The following USP13 variants were observed in gnomAD, a reference collection of about 807,000 sequenced individuals.
USP13 encodes the protein ubiquitin specific peptidase 13.
Under a neutral mutation model 107.8 loss-of-function variants are expected in USP13, and 68 were observed. That is an observed-to-expected ratio of 0.63 (90% confidence interval 0.52 to 0.77). The LOEUF is 0.77. USP13 is among the 30% of genes least tolerant of loss of function. The pLI is 0.00. For synonymous variants in USP13, 377 were observed against 389.5 expected (o/e 0.97, Z 0.38); for missense variants, 945 against 1,093.3 (o/e 0.86, Z 1.91).
chr3:179,710,099 TAA>T (rs1352771859), intron 6 of USP13, among the ~76,000 whole-genome samples: 2 of 152,168 alleles, frequency 1.3e-5, no homozygotes, highest in African/African-American at 4.8e-5. Context: ...TTTAACTCAT[TAA>T]AGACAAGTAG....
Position 179,742,644 on chromosome 3 carries a change from G to T in USP13, c.1534+294G>T, listed in dbSNP as rs1233074060. ...AGCATAATTTTGGGGAAAATTATTG[G>T]TAATGATGTATGTAGAAAATTCTTT... On this transcript the variant is annotated intron_variant, in intron 12 of 20. Transcript: ENST00000263966. This position sits in a 1 kb window ranked among gnomAD's most constrained non-coding sequence, Gnocchi z 5.0. Among the ~76,000 whole-genome samples, 1 of 152,180 alleles carries T rather than the reference G, an allele frequency of 6.6e-6. No individual in the cohort carries two copies. The highest frequency in any genetic ancestry group is 6.5e-5 in the Admixed American group (1 of 15,288).
At position 179,761,532 on chromosome 3, in the gene USP13, G is replaced by A. The variant is rs577443099; in HGVS notation, c.2092+277G>A. ...AAGTCAAGAGATGAAGACCATCCTGGCCAACATAGTGAAACCCCATCTCTA... is the reference window on the plus strand; with the variant it reads ...AAGTCAAGAGATGAAGACCATCCTGACCAACATAGTGAAACCCCATCTCTA... On this transcript the variant is annotated intron_variant, in intron 17 of 20. Transcript: ENST00000263966. Among the ~76,000 whole-genome samples the A allele has an allele frequency of 7.6e-4, 116 of 152,198 alleles. 1 individual carries two copies. The highest frequency in any genetic ancestry group is 2.7e-3 in the African/African-American group (114 of 41,512).
chr3:179,730,802 T>G lies in USP13; in HGVS notation c.1254+93T>G, dbSNP rs1049894087. The G allele has an allele frequency of 5.2e-6, 6 of 1,144,910 alleles. No individual in the cohort carries two copies. In the African/African-American group the frequency reaches 7.7e-5, roughly 15 times the overall value. 70.9% of individuals were successfully genotyped at this position (1,144,910 alleles called of 1,614,324 possible). ...TGATTTGGCACATGGTGGCCATAAA[T>G]TTAGCAAGCTGTCAGAATAGTAATG... is the stretch of plus-strand genomic sequence containing the variant. On this transcript the variant is annotated intron_variant, in intron 10 of 20. Transcript: ENST00000263966.
rs12629667 is a variant in USP13, at chr3:179,731,729, C to T, written c.1254+1020C>T. ...TTGGAATTGTGTAGTGCACAGCTTACGCATCTGTGTTTGGCACCGTCCTCT... is the reference window on the plus strand; with the variant it reads ...TTGGAATTGTGTAGTGCACAGCTTATGCATCTGTGTTTGGCACCGTCCTCT... On this transcript the variant is annotated intron_variant, in intron 10 of 20. Coordinates refer to ENST00000263966, the MANE Select transcript of USP13 (RefSeq NM_003940.3). 9.1e-3 allele frequency among the ~76,000 whole-genome samples: 1,388 copies of T among 152,270 alleles called. 56 individuals carry two copies. In the East Asian group the frequency reaches 0.099, roughly 11 times the overall value.
chr3:179,668,573 T>C (rs1279244136), intron 1 of USP13, among the ~76,000 whole-genome samples: 3 of 152,172 alleles, frequency 2.0e-5, no homozygotes, highest in Admixed American at 6.5e-5. Context: ...TATTTGTTTT[T>C]TGAGACAAGG....
At position 179,788,310 on chromosome 3, in the gene USP13, T is replaced by C. The variant is rs1187738951; in HGVS notation, c.*4169T>C. On this transcript the variant is annotated 3_prime_UTR_variant, in exon 21 of 21. Transcript: ENST00000263966. ...TCCTACGCTATAGAACAAGGTTCTG[T>C]ACTCTTGAGTTGGTGTCTGAGATCA... is the stretch of plus-strand genomic sequence containing the variant. 1 of 152,240 alleles carries C rather than the reference T, an allele frequency of 6.6e-6. No homozygotes were observed. Among genetic ancestry groups the C allele is most frequent in the African/African-American group, 2.4e-5 (1 of 41,466 alleles). 9.4% of individuals were successfully genotyped at this position (152,240 alleles called of 1,614,324 possible). A position where few individuals can be genotyped will look rare whatever the true frequency, so the allele number is the denominator to read the frequency against.
chr3:179,679,574 A>G (rs1711576630), intron 1 of USP13, among the ~76,000 whole-genome samples: 1 of 152,158 alleles, frequency 6.6e-6, no homozygotes, highest in African/African-American at 2.4e-5. Context: ...AGTTTACAGA[A>G]AAGCATGTTA....
intron 1 of USP13, among the ~76,000 whole-genome samples, chr3:179,669,140 C>T (rs1264753512): frequency 2.0e-5 from 3 of 152,188 alleles, no homozygotes; most frequent in Admixed American, 6.6e-5. Flanking sequence ...ATCTAATCCA[C>T]CTCCTGGGCT....
At chr3:179,687,582 C>T (rs1180681370) in intron 2 of USP13, among the ~76,000 whole-genome samples, 4 of 142,472 alleles carry the variant, frequency 2.8e-5, no homozygotes, top group East Asian at 2.2e-4. Flanking sequence ...TCGCTTGGAC[C>T]TGGGAGGCTG....
rs765706098 is a variant in USP13, at chr3:179,784,026, A to G, written c.2499-22A>G. On this transcript the variant is annotated intron_variant, in intron 20 of 20. Transcript: ENST00000263966. ...TCCTGGAACTGACTTAAATCCATCA[A>G]ATGCTTCTGTCTTATTTTCAGATGG... 1.4e-5 allele frequency: 23 copies of G among 1,593,860 alleles called. No homozygotes were observed. The South Asian group carries it at 1.5e-4, about 10-fold the overall frequency.
At chr3:179,758,978 A>G (rs941255764) in intron 16 of USP13, among the ~76,000 whole-genome samples, 21 of 151,158 alleles carry the variant, frequency 1.4e-4, no homozygotes, top group Non-Finnish European at 1.8e-4. Flanking sequence ...ACAAAAATGG[A>G]ATTACACATT....
intron 11 of USP13, among the ~76,000 whole-genome samples, chr3:179,741,805 A>G (rs558116445): frequency 6.6e-6 from 1 of 152,296 alleles, no homozygotes; most frequent in South Asian, 2.1e-4. Context: ...TTTCTGTTTT[A>G]TTTGTACCTA....
Position 179,666,817 on chromosome 3 carries a change from T to G in USP13, c.168+13424T>G, listed in dbSNP as rs571034165. On this transcript the variant is annotated intron_variant, in intron 1 of 20. Transcript: ENST00000263966. Reference sequence around the variant, plus strand: ...GCTTGCCGACAGCCGCCCACCTGGCTCCTGTCACCAAAACGACATCTGCTT... The same window carrying G: ...GCTTGCCGACAGCCGCCCACCTGGCGCCTGTCACCAAAACGACATCTGCTT... 2.0e-5 allele frequency among the ~76,000 whole-genome samples: 3 copies of G among 152,174 alleles called. No individual in the cohort carries two copies. In the South Asian group the frequency reaches 6.2e-4, roughly 32 times the overall value.
At chr3:179,711,591 C>G (rs1307817941) in intron 6 of USP13, among the ~76,000 whole-genome samples, 1 of 151,972 alleles carries the variant, frequency 6.6e-6, no homozygotes, top group Admixed American at 6.6e-5. Flanking sequence ...TTATTAAAAA[C>G]TAAGACACAA....
intron 2 of USP13, among the ~76,000 whole-genome samples, chr3:179,685,602 T>C (rs1037342722): frequency 6.7e-6 from 1 of 150,166 alleles, no homozygotes; most frequent in African/African-American, 2.5e-5. Context: ...TTTTGTGACT[T>C]AATATAAAGT....
chr3:179,669,615 C>T (rs1720688492), intron 1 of USP13, among the ~76,000 whole-genome samples: 1 of 152,166 alleles, frequency 6.6e-6, no homozygotes, highest in South Asian at 2.1e-4. Context: ...TCTAAAAGAA[C>T]TTTCTGAGAT....
intron 1 of USP13, among the ~76,000 whole-genome samples, chr3:179,664,319 CCTGA>C (rs1720528895): frequency 6.6e-6 from 1 of 152,066 alleles, no homozygotes; most frequent in Non-Finnish European, 1.5e-5. Flanking sequence ...GTCTCAAACT[CCTGA>C]CCTCAAATGA....
intron 1 of USP13, among the ~76,000 whole-genome samples, chr3:179,661,761 C>T (rs1231252215): frequency 2.0e-5 from 3 of 152,168 alleles, no homozygotes; most frequent in African/African-American, 7.2e-5. Flanking sequence ...ATTGCAGGGG[C>T]TGGCTCCTGG....
At chr3:179,699,012 GT>G (rs1377557717) in intron 3 of USP13, among the ~76,000 whole-genome samples, 1 of 151,932 alleles carries the variant, frequency 6.6e-6, no homozygotes, top group African/African-American at 2.4e-5. Context: ...GGGATTACAG[GT>G]GCGTGCCACC....
Sources: allele counts gnomAD v4.1 joint callset (sites outside exome capture counted in the v4.1 genomes callset), GRCh38; gene constraint gnomAD v4.1.1; non-coding constraint Gnocchi (gnomAD v3.1); transcripts MANE v1.5; gene names NCBI Gene and HGNC (gene_info 2026-07-23, HGNC 2026-07-21).